SLC16A7: variants seen among roughly 807,000 people sequenced by gnomAD.
SLC16A7 encodes solute carrier family 16 member 7.
Under a neutral mutation model 34.9 loss-of-function variants are expected in SLC16A7, and 33 were observed. The observed-to-expected ratio is 0.94, with a 90% confidence interval of 0.72 to 1.26. The LOEUF is 1.26. SLC16A7 is among the 50% of genes most tolerant of loss of function. SLC16A7 has a pLI of 0.00. For missense variants in SLC16A7, 573 were observed against 578.1 expected, an observed-to-expected ratio of 0.99 and a Z score of 0.09; for synonymous variants, 201 against 206.6, an observed-to-expected ratio of 0.97 and a Z score of 0.23.
In SLC16A7 at chr12:59,783,868, TGGG is replaced by T. The variant is rs748892498; in HGVS notation, c.*4191_*4193del. 15 of 152,172 alleles carry T rather than the reference TGGG, an allele frequency of 9.9e-5. No individual in the cohort carries two copies. Among genetic ancestry groups the T allele is most frequent in the African/African-American group, 3.6e-4 (15 of 41,522 alleles). 9.4% of individuals were successfully genotyped at this position (152,172 alleles called of 1,614,324 possible). Reference sequence around the variant, plus strand: ...TTGTTTTGTTTTGTTTTAGTAGAGATGGGGTTTCTCCTTGTTGGTCAGGCTGGT... The same window carrying T: ...TTGTTTTGTTTTGTTTTAGTAGAGATGTTTCTCCTTGTTGGTCAGGCTGGT... On this transcript the variant is annotated 3_prime_UTR_variant, in exon 6 of 6. Coordinates refer to ENST00000547379, the MANE Select transcript of SLC16A7 (RefSeq NM_001270623.2).
intron 1 of SLC16A7, among the ~76,000 whole-genome samples, chr12:59,647,036 G>A (rs1847639130): frequency 6.6e-6 from 1 of 152,156 alleles, no homozygotes; most frequent in Admixed American, 6.5e-5. Flanking sequence ...CAGGTTCACA[G>A]ACAGAAGGGA....
intron 1 of SLC16A7, among the ~76,000 whole-genome samples, chr12:59,634,169 T>A (rs889895044): frequency 6.6e-6 from 1 of 152,064 alleles, no homozygotes; most frequent in Non-Finnish European, 1.5e-5. Context: ...ACATCAGGTC[T>A]GCCTGTAGAT....
At chr12:59,717,436 C>T (rs1315898783) in intron 3 of SLC16A7, among the ~76,000 whole-genome samples, 1 of 152,166 alleles carries the variant, frequency 6.6e-6, no homozygotes, top group African/African-American at 2.4e-5. Flanking sequence ...CAAGTTTAAT[C>T]AGATGACCCT....
At chr12:59,758,447 A>G (rs532987788) in intron 3 of SLC16A7, among the ~76,000 whole-genome samples, 8 of 152,296 alleles carry the variant, frequency 5.3e-5, no homozygotes, top group African/African-American at 1.9e-4. Context: ...AGCATGAGGT[A>G]TCCTCAAAAA....
At chr12:59,711,321 T>C (rs1162901318) in intron 3 of SLC16A7, among the ~76,000 whole-genome samples, 1 of 152,202 alleles carries the variant, frequency 6.6e-6, no homozygotes, top group Non-Finnish European at 1.5e-5. Flanking sequence ...TATGTTATGT[T>C]TCAAGAATAA....
At position 59,779,609 on chromosome 12, in the gene SLC16A7, AT is replaced by A; in HGVS notation, c.1369del (p.Ser457ArgfsTer14). 6.2e-7 allele frequency: 1 copy of A among 1,611,860 alleles called. No individual in the cohort carries two copies. Among genetic ancestry groups the A allele is most frequent in the Non-Finnish European group, 8.5e-7 (1 of 1,178,298 alleles). On this transcript the variant is annotated frameshift_variant, in exon 6 of 6. Transcript: ENST00000547379. LOFTEE classifies it high-confidence loss of function. ...RESEPLSKSK[H>X]SEDVNVKVSN... ...TCTGAACCCTTGAGCAAATCTAAAC[AT>A]TCGGAAGATGTTAACGTCAAAGTTT...
intron 1 of SLC16A7, among the ~76,000 whole-genome samples, chr12:59,631,975 T>C (rs983162072): frequency 2.0e-5 from 3 of 151,944 alleles, no homozygotes; most frequent in African/African-American, 7.2e-5. Context: ...AATAAATTAC[T>C]ATAAGACAGA....
At chr12:59,752,900 G>T (rs375465853) in intron 3 of SLC16A7, among the ~76,000 whole-genome samples, 3 of 152,168 alleles carry the variant, frequency 2.0e-5, no homozygotes, top group African/African-American at 4.8e-5. Context: ...GACTAACAGC[G>T]GATCTCTCGG....
chr12:59,679,599 G>A lies in SLC16A7; in HGVS notation c.-31+24349G>A, dbSNP rs1440747696. On this transcript the variant is annotated intron_variant, in intron 2 of 5. Transcript: ENST00000547379. ...AGAAATCTGAACTTACCTGTCTCAT[G>A]ATGTTTATCATATGATGTAATTATC... Among the ~76,000 whole-genome samples, 3 of 152,220 alleles carry A rather than the reference G, an allele frequency of 2.0e-5. No homozygotes were observed. The East Asian group carries it at 5.8e-4, about 29-fold the overall frequency.
At chr12:59,749,098 G>A (rs1477128596) in intron 3 of SLC16A7, among the ~76,000 whole-genome samples, 1 of 152,018 alleles carries the variant, frequency 6.6e-6, no homozygotes, top group African/African-American at 2.4e-5. Flanking sequence ...CTAGTTTGGG[G>A]AAAAAAATGC....
rs747380843 is a variant in SLC16A7 at position 59,704,891 on chromosome 12, T to G, written c.90T>G (p.Ile30Met). The change falls in exon 3 of 6, where the codon ATT becomes ATG. Residue 30 changes from isoleucine to methionine, a missense_variant. Coordinates refer to ENST00000547379, the MANE Select transcript of SLC16A7 (RefSeq NM_001270623.2). ...TGGTTGGAGCAGCTTTTATCTCCATTGGATTTTCCTATGCATTCCCCAAAG... is the reference window on the plus strand; with the variant it reads ...TGGTTGGAGCAGCTTTTATCTCCATGGGATTTTCCTATGCATTCCCCAAAG... ...WIVVGAAFIS[I>M]GFSYAFPKAV... 2 of 1,613,828 alleles carry G rather than the reference T, an allele frequency of 1.2e-6. No individual in the cohort carries two copies. Among genetic ancestry groups the G allele is most frequent in the Non-Finnish European group, 1.7e-6 (2 of 1,179,764 alleles).
At chr12:59,671,847 A>ATATATGTGTATATGTATATATG (rs1177034163) in intron 2 of SLC16A7, among the ~76,000 whole-genome samples, 1 of 109,488 alleles carries the variant, frequency 9.1e-6, no homozygotes, top group African/African-American at 3.9e-5. Flanking sequence ...ATATATGTGT[A>ATATATGTGTATATGTATATATG]TATATATGTG....
chr12:59,614,114 G>T (rs184450145), intron 1 of SLC16A7, among the ~76,000 whole-genome samples: 1 of 150,630 alleles, frequency 6.6e-6, no homozygotes, highest in African/African-American at 2.4e-5. Context: ...GCAGTGGTGC[G>T]ATCTCGACTC....
intron 3 of SLC16A7, among the ~76,000 whole-genome samples, chr12:59,716,499 C>T (rs1446326223): frequency 6.6e-6 from 1 of 152,118 alleles, no homozygotes; most frequent in African/African-American, 2.4e-5. Context: ...TTTAAATTTT[C>T]CAATCTTCTC....
At chr12:59,656,442 A>T (rs565428681) in intron 2 of SLC16A7, among the ~76,000 whole-genome samples, 1 of 152,090 alleles carries the variant, frequency 6.6e-6, no homozygotes, top group Non-Finnish European at 1.5e-5. Context: ...CAGTTTGTTG[A>T]TGTAGGAATG....
chr12:59,670,420 C>G (rs1440154451), intron 2 of SLC16A7, among the ~76,000 whole-genome samples: 1 of 152,100 alleles, frequency 6.6e-6, no homozygotes, highest in Non-Finnish European at 1.5e-5. Flanking sequence ...ATCCACCCCC[C>G]CCACCAAATT....
intron 3 of SLC16A7, among the ~76,000 whole-genome samples, chr12:59,762,564 A>T (rs1881132177): frequency 6.6e-6 from 1 of 152,136 alleles, no homozygotes; most frequent in Non-Finnish European, 1.5e-5. Context: ...AAGGTCTAAA[A>T]ATTTCTTTTG....
chr12:59,616,724 T>G (rs1016241805), intron 1 of SLC16A7, among the ~76,000 whole-genome samples: 2 of 152,176 alleles, frequency 1.3e-5, no homozygotes, highest in Non-Finnish European at 2.9e-5. Context: ...GAAAAAAGTA[T>G]AGGTCATGGA....
At chr12:59,619,407 C>T (rs1166187882) in intron 1 of SLC16A7, among the ~76,000 whole-genome samples, 3 of 152,006 alleles carry the variant, frequency 2.0e-5, no homozygotes, top group African/African-American at 7.2e-5. Context: ...CATACAGTGA[C>T]CTCATCACCT....
Sources: allele counts gnomAD v4.1 joint callset (sites outside exome capture counted in the v4.1 genomes callset), GRCh38; gene constraint gnomAD v4.1.1; transcripts MANE v1.5; gene names NCBI Gene and HGNC (gene_info 2026-07-23, HGNC 2026-07-21).